The following NFIX variants were observed in gnomAD, a reference collection of about 807,000 sequenced individuals.
NFIX encodes the protein nuclear factor 1 X-type.
In NFIX, 2 loss-of-function variants were observed where a neutral mutation model predicts 53.3. The observed-to-expected ratio is 0.04, with a 90% confidence interval of 0.02 to 0.12. The LOEUF is 0.12. NFIX is among the 10% of genes least tolerant of loss of function. NFIX has a pLI of 1.00. For missense variants in NFIX, 310 were observed against 674.5 expected (o/e 0.46, Z 5.99); for synonymous variants, 244 against 289.0 (o/e 0.84, Z 1.58).
chr19:13,048,159 C>T (rs1254384714), intron 2 of NFIX, among the ~76,000 whole-genome samples: 1 of 152,232 alleles, frequency 6.6e-6, no homozygotes, highest in Non-Finnish European at 1.5e-5. Flanking sequence ...CCTGTCCCCA[C>T]CCTGCACATC....
At chr19:12,999,728 C>T (rs1465823313) in intron 1 of NFIX, among the ~76,000 whole-genome samples, 1 of 152,238 alleles carries the variant, frequency 6.6e-6, no homozygotes, top group Non-Finnish European at 1.5e-5. Context: ...AACACTCCTT[C>T]CATGGGAGGG....
At chr19:13,044,639 G>A (rs1326120357) in intron 2 of NFIX, among the ~76,000 whole-genome samples, 1 of 152,196 alleles carries the variant, frequency 6.6e-6, no homozygotes, top group Non-Finnish European at 1.5e-5. Flanking sequence ...TAGCTTCTGA[G>A]TCAGAGGGCG....
chr19:13,021,823 G>A lies in NFIX; in HGVS notation c.28-3198G>A, dbSNP rs1162542474. ...AGGAAGGTCCCCAAGTGGAGGACCA[G>A]AGCAGGGGCTCCCCGGTGGGTCACT... On this transcript the variant is annotated intron_variant, in intron 1 of 10. Transcript: ENST00000592199. The surrounding 1 kb of genome is among the most constrained non-coding windows in gnomAD (Gnocchi z 4.2). Among the ~76,000 whole-genome samples, 1 of 152,106 alleles carries A rather than the reference G, an allele frequency of 6.6e-6. No individual in the cohort carries two copies. Among genetic ancestry groups the A allele is most frequent in the East Asian group, 1.9e-4 (1 of 5,182 alleles).
chr19:13,032,738 G>C (rs1244058237), intron 2 of NFIX, among the ~76,000 whole-genome samples: 4 of 152,132 alleles, frequency 2.6e-5, no homozygotes, highest in African/African-American at 9.7e-5. Context: ...TTTGAGGGCA[G>C]GTCAGTGCTG....
Position 13,081,698 on chromosome 19 carries a change from C to A in NFIX, c.1097C>A (p.Ala366Glu). Reference protein sequence around the residue: ...GVRPGSPRATASALHFPSTSI... With the variant: ...GVRPGSPRATESALHFPSTSI... ...CATGCAGGGAGCCCCCGGGCCACAG[C>A]ATCAGCCCTGCACTTCCCCTCCACG... Residue 366 changes from alanine (A) to glutamate (E), a missense_variant, in exon 8 of 11, where the codon GCA becomes GAA. This residue lies in a region of NFIX where 164 missense variants were observed against 284.4 expected (regional missense o/e 0.58). Coordinates refer to ENST00000592199, the MANE Select transcript of NFIX (RefSeq NM_001365902.3). The surrounding 1 kb of genome is among the most constrained non-coding windows in gnomAD (Gnocchi z 4.7). The A allele has an allele frequency of 6.2e-7, 1 of 1,613,904 alleles. No individual in the cohort carries two copies. Among genetic ancestry groups the A allele is most frequent in the Non-Finnish European group, 8.5e-7 (1 of 1,179,848 alleles).
chr19:13,025,683 C>A lies in NFIX; in HGVS notation c.559+131C>A. ...ACTGGTGTATGCCCGTCCTGCGGGG[C>A]CTGCAACACGGTTCTATGGGCCCTT... On this transcript the variant is annotated intron_variant, in intron 2 of 10. Coordinates refer to ENST00000592199, the MANE Select transcript of NFIX (RefSeq NM_001365902.3). The surrounding 1 kb of genome is among the most constrained non-coding windows in gnomAD (Gnocchi z 7.5). 1 of 1,027,766 alleles carries A rather than the reference C, an allele frequency of 9.7e-7. No individual in the cohort carries two copies. Among genetic ancestry groups the A allele is most frequent in the Non-Finnish European group, 1.4e-6 (1 of 717,768 alleles). 63.7% of individuals were successfully genotyped at this position (1,027,766 alleles called of 1,614,324 possible). A position where few individuals can be genotyped will look rare whatever the true frequency, so the allele number is the denominator to read the frequency against.
chr19:13,087,340 C>T (rs2017838599), intron 8 of NFIX, among the ~76,000 whole-genome samples: 2 of 152,184 alleles, frequency 1.3e-5, no homozygotes, highest in South Asian at 2.1e-4. Flanking sequence ...AAGAACCTCA[C>T]GGGCACTAGA....
At chr19:13,084,746 G>T (rs1189312063) in intron 8 of NFIX, among the ~76,000 whole-genome samples, 1 of 152,152 alleles carries the variant, frequency 6.6e-6, no homozygotes, top group Admixed American at 6.5e-5. Context: ...TGTCTGAACA[G>T]CCAGGCCCAC....
intron 2 of NFIX, among the ~76,000 whole-genome samples, chr19:13,055,667 C>G (rs1181218434): frequency 1.3e-5 from 2 of 152,200 alleles, no homozygotes; most frequent in East Asian, 3.9e-4. Flanking sequence ...CATCTGCTCG[C>G]CCCGGGCCTA....
rs115518168 is a variant in NFIX at position 13,037,292 on chromosome 19, G to A, written c.559+11740G>A. ...GGGGCCACTTGCTTAAGGGAGACCC[G>A]ACTTCTGCACCCGGTCATATCCTCC... On this transcript the variant is annotated intron_variant, in intron 2 of 10. Transcript: ENST00000592199. This position sits in a 1 kb window ranked among gnomAD's most constrained non-coding sequence, Gnocchi z 4.2. Among the ~76,000 whole-genome samples the A allele has an allele frequency of 8.8e-3, 1,339 of 152,234 alleles. 21 individuals carry two copies. Among genetic ancestry groups the A allele is most frequent in the African/African-American group, 0.031 (1,270 of 41,516 alleles).
intron 2 of NFIX, among the ~76,000 whole-genome samples, chr19:13,059,595 C>T (rs2015926107): frequency 6.6e-6 from 1 of 152,150 alleles, no homozygotes; most frequent in South Asian, 2.1e-4. Context: ...GGACACACTT[C>T]TTGGCCAAGT....
intron 2 of NFIX, among the ~76,000 whole-genome samples, chr19:13,026,880 G>A (rs1430275526): frequency 2.6e-5 from 4 of 152,064 alleles, no homozygotes; most frequent in African/African-American, 7.3e-5. Flanking sequence ...TTGTTTCTCC[G>A]CGAGTGTGTG....
At chr19:13,054,777 C>T (rs1035767134) in intron 2 of NFIX, among the ~76,000 whole-genome samples, 1 of 151,888 alleles carries the variant, frequency 6.6e-6, no homozygotes, top group African/African-American at 2.4e-5. Flanking sequence ...CTGAGGAGGG[C>T]GGGGGTAGGG....
intron 2 of NFIX, among the ~76,000 whole-genome samples, chr19:13,065,259 G>A (rs2016332307): frequency 6.6e-6 from 1 of 152,214 alleles, no homozygotes; most frequent in African/African-American, 2.4e-5. Context: ...GGCAGGCTCA[G>A]AGGACAGGGG....
chr19:13,084,892 A>G (rs2017681435), intron 8 of NFIX, among the ~76,000 whole-genome samples: 1 of 152,010 alleles, frequency 6.6e-6, no homozygotes, highest in African/African-American at 2.4e-5. Context: ...CAACATGGAG[A>G]AACCCCGTCT....
Position 13,060,033 on chromosome 19 carries a change from TCGCCTCAGCCTCTCAAA to T in NFIX, c.560-13013_560-12997del, listed in dbSNP as rs2015972629. Among the ~76,000 whole-genome samples, 1 of 152,088 alleles carries T rather than the reference TCGCCTCAGCCTCTCAAA, an allele frequency of 6.6e-6. No homozygotes were observed. Among genetic ancestry groups the T allele is most frequent in the Non-Finnish European group, 1.5e-5 (1 of 67,994 alleles). The stretch of plus-strand genomic sequence containing the variant: ...GAACTCCTGAGCTCAGGCGATCCAC[TCGCCTCAGCCTCTCAAA>T]GTGCTGAGATTACAGGCATGAGCCA... On this transcript the variant is annotated intron_variant, in intron 2 of 10. Transcript: ENST00000592199. The surrounding 1 kb of genome is among the most constrained non-coding windows in gnomAD (Gnocchi z 4.3).
chr19:13,055,084 TCC>T (rs967189396), intron 2 of NFIX, among the ~76,000 whole-genome samples: 5 of 142,024 alleles, frequency 3.5e-5, no homozygotes, highest in African/African-American at 1.3e-4. Flanking sequence ...CTCCTAATAA[TCC>T]CCCCTTTCCA....
chr19:13,019,300 G>C (rs2012833593), intron 1 of NFIX, among the ~76,000 whole-genome samples: 1 of 152,178 alleles, frequency 6.6e-6, no homozygotes. Flanking sequence ...TGAGTGAGGT[G>C]CTGTACATAT....
intron 2 of NFIX, among the ~76,000 whole-genome samples, chr19:13,047,318 A>G (rs1263560257): frequency 6.6e-6 from 1 of 151,144 alleles, no homozygotes; most frequent in Non-Finnish European, 1.5e-5. Flanking sequence ...CTATCCTATG[A>G]TTTGATTTAC....
Sources: allele counts gnomAD v4.1 joint callset (sites outside exome capture counted in the v4.1 genomes callset), GRCh38; gene constraint gnomAD v4.1.1; regional missense constraint gnomAD v4.1.1; non-coding constraint Gnocchi (gnomAD v3.1); transcripts MANE v1.5; gene names NCBI Gene and HGNC (gene_info 2026-07-23, HGNC 2026-07-21).